ARSB: variants seen among roughly 807,000 people sequenced by gnomAD.
The protein encoded by ARSB is N-acetylgalactosamine-4-sulfatase.
Under a neutral mutation model 50.9 loss-of-function variants are expected in ARSB, and 41 were observed. That is an observed-to-expected ratio of 0.81 (90% CI 0.63 to 1.04). The LOEUF is 1.04. Ranked by LOEUF, ARSB falls within the 50% of genes least tolerant of loss-of-function variation. The pLI is 0.00. For missense variants in ARSB, 672 were observed against 693.3 expected (o/e 0.97, Z 0.35); for synonymous variants, 269 against 284.8 (o/e 0.94, Z 0.56).
intron 5 of ARSB, among the ~76,000 whole-genome samples, chr5:78,868,924 C>A (rs144355358): frequency 6.6e-6 from 1 of 151,348 alleles, no homozygotes; most frequent in Non-Finnish European, 1.5e-5. Flanking sequence ...ACCCATCTCA[C>A]GTGCAGAGAC....
At chr5:78,957,253 T>C (rs1561526063) in intron 3 of ARSB, among the ~76,000 whole-genome samples, 1 of 152,200 alleles carries the variant, frequency 6.6e-6, no homozygotes, top group African/African-American at 2.4e-5. Context: ...ATCTCATAAA[T>C]GAATGAAAAT....
chr5:78,973,638 C>G (rs1335081709), intron 1 of ARSB, among the ~76,000 whole-genome samples: 1 of 152,146 alleles, frequency 6.6e-6, no homozygotes, highest in African/African-American at 2.4e-5. Flanking sequence ...GAATCTCTTT[C>G]AACTCCCCTT....
At chr5:78,872,100 T>G (rs1209493131) in intron 5 of ARSB, among the ~76,000 whole-genome samples, 1 of 148,540 alleles carries the variant, frequency 6.7e-6, no homozygotes, top group Non-Finnish European at 1.5e-5. Context: ...GAAATGCAAA[T>G]CAAAACCACT....
intron 6 of ARSB, among the ~76,000 whole-genome samples, chr5:78,782,439 C>T (rs1307822535): frequency 1.3e-5 from 2 of 152,174 alleles, no homozygotes; most frequent in South Asian, 2.1e-4. Flanking sequence ...TGATAGAGTA[C>T]AAAGACTTAT....
intron 6 of ARSB, chr5:78,783,423 A>C (rs1374570975): frequency 6.6e-6 from 1 of 152,148 alleles, no homozygotes; most frequent in Admixed American, 6.5e-5. Context: ...GACCTTGTAG[A>C]GACAAGCTGG....
chr5:78,984,894 A>G, intron 1 of ARSB, 43 bp downstream of exon 1: 1 of 1,263,118 alleles, frequency 7.9e-7, no homozygotes, highest in East Asian at 3.2e-5. Context: ...GCGCCGGCGA[A>G]AGGCGGGGCG....
chr5:78,968,216 T>TC (rs1274435745), intron 2 of ARSB, among the ~76,000 whole-genome samples: 1 of 149,180 alleles, frequency 6.7e-6, no homozygotes, highest in African/African-American at 2.5e-5. Flanking sequence ...GGAAGAGTCT[T>TC]CCCCCACCCC....
At chr5:78,972,982 CA>C (rs1261792674) in intron 1 of ARSB, among the ~76,000 whole-genome samples, 2 of 152,154 alleles carry the variant, frequency 1.3e-5, no homozygotes, top group Non-Finnish European at 2.9e-5. Flanking sequence ...CATCCAAAAA[CA>C]TGTTTTCGGT....
intron 3 of ARSB, among the ~76,000 whole-genome samples, chr5:78,960,256 G>A (rs1484970289): frequency 6.6e-6 from 1 of 151,964 alleles, no homozygotes; most frequent in Non-Finnish European, 1.5e-5. Flanking sequence ...ATGCTACATG[G>A]TTCCTAAGAT....
intron 6 of ARSB, among the ~76,000 whole-genome samples, chr5:78,802,520 C>T (rs558738435): frequency 4.6e-5 from 7 of 152,080 alleles, no homozygotes; most frequent in African/African-American, 9.6e-5. Context: ...TGAGAATGAT[C>T]GCAATAGGGA....
At chr5:78,800,811 G>A (rs539111583) in intron 6 of ARSB, among the ~76,000 whole-genome samples, 2 of 152,174 alleles carry the variant, frequency 1.3e-5, no homozygotes, top group Non-Finnish European at 2.9e-5. Context: ...CTCCAGAGAT[G>A]GAAAGTCTAT....
At chr5:78,857,695 C>T (rs1239095619) in intron 5 of ARSB, among the ~76,000 whole-genome samples, 2 of 152,150 alleles carry the variant, frequency 1.3e-5, no homozygotes, top group African/African-American at 2.4e-5. Flanking sequence ...TTACCCCCAT[C>T]CCAGCACATA....
chr5:78,865,037 G>A (rs925361167), intron 5 of ARSB, among the ~76,000 whole-genome samples: 2 of 152,186 alleles, frequency 1.3e-5, no homozygotes, highest in Admixed American at 6.5e-5. Context: ...TTTTCCAGGT[G>A]CATGGTGCAA....
intron 6 of ARSB, among the ~76,000 whole-genome samples, chr5:78,796,384 G>A (rs544981772): frequency 2.6e-5 from 4 of 152,262 alleles, no homozygotes; most frequent in East Asian, 3.8e-4. Flanking sequence ...TAAATAAAAC[G>A]CACAAAGTGC....
intron 6 of ARSB, among the ~76,000 whole-genome samples, chr5:78,803,860 G>A (rs966894022): frequency 6.6e-6 from 1 of 152,336 alleles, no homozygotes. Flanking sequence ...CCATTTGATG[G>A]TTATTTATTG....
chr5:78,890,682 C>G (rs1487949370), intron 4 of ARSB, among the ~76,000 whole-genome samples: 1 of 152,158 alleles, frequency 6.6e-6, no homozygotes, highest in Admixed American at 6.5e-5. Context: ...GTTCCAACTT[C>G]AGGCCCACAT....
chr5:78,849,063 A>G (rs1458680276), intron 5 of ARSB, among the ~76,000 whole-genome samples: 2 of 152,126 alleles, frequency 1.3e-5, no homozygotes, highest in Non-Finnish European at 2.9e-5. Flanking sequence ...GAAGCTCTTT[A>G]GTTTAATTAG....
intron 4 of ARSB, among the ~76,000 whole-genome samples, chr5:78,898,227 C>T (rs1162445680): frequency 6.6e-6 from 1 of 152,212 alleles, no homozygotes; most frequent in African/African-American, 2.4e-5. Context: ...GACTGTGCCA[C>T]TGCACTCCAG....
At position 78,981,052 on chromosome 5, in the gene ARSB, G is replaced by A. The variant is rs1175968249; in HGVS notation, c.312+3885C>T. On this transcript the variant is annotated intron_variant, in intron 1 of 7. Coordinates refer to ENST00000264914, the MANE Select transcript of ARSB (RefSeq NM_000046.5). Reference sequence around the variant, plus strand: ...TGCAAGCTCCGCCTCCCGGGTTCACGCCATTCTCCTGCCTCAGCCTCCCAA... The same window carrying A: ...TGCAAGCTCCGCCTCCCGGGTTCACACCATTCTCCTGCCTCAGCCTCCCAA... 1.0e-4 allele frequency among the ~76,000 whole-genome samples: 2 copies of A among 19,682 alleles called. 1 individual carries two copies. The highest frequency in any genetic ancestry group is 8.4e-4 in the African/African-American group (2 of 2,370). 12.9% of individuals were successfully genotyped at this position (19,682 alleles called of 152,430 possible). A position where few individuals can be genotyped will look rare whatever the true frequency, so the allele number is the denominator to read the frequency against.
Sources: allele counts gnomAD v4.1 joint callset (sites outside exome capture counted in the v4.1 genomes callset), GRCh38; gene constraint gnomAD v4.1.1; transcripts MANE v1.5; gene names NCBI Gene and HGNC (gene_info 2026-07-23, HGNC 2026-07-21).